IQCM: variants seen among roughly 807,000 people sequenced by gnomAD.
The protein encoded by IQCM is IQ motif containing M.
In IQCM, 45 loss-of-function variants were observed where a neutral mutation model predicts 57.6. That is an observed-to-expected ratio of 0.78 (90% CI 0.62 to 1.00). The LOEUF is 1.00. IQCM is among the 50% of genes least tolerant of loss of function. The pLI is 0.00. For missense variants in IQCM, 468 were observed against 511.6 expected (o/e 0.91, Z 0.82); for synonymous variants, 148 against 158.9 (o/e 0.93, Z 0.51).
chr4:149,667,237 G>A (rs559002644), intron 7 of IQCM, among the ~76,000 whole-genome samples: 8 of 152,312 alleles, frequency 5.3e-5, no homozygotes, highest in Admixed American at 3.3e-4. Flanking sequence ...GAAGGAGCAG[G>A]CAGCAATCTT....
At position 149,585,260 on chromosome 4, in the gene IQCM, A is replaced by G. The variant is rs140592755; in HGVS notation, c.749+2670T>C. ...CTGATGACTGATGGAAGGTTATAATATACTCTGCCTCATGCAGGCTGTAAG... is the reference window on the plus strand; with the variant it reads ...CTGATGACTGATGGAAGGTTATAATGTACTCTGCCTCATGCAGGCTGTAAG... On this transcript the variant is annotated intron_variant, in intron 9 of 13. Coordinates refer to ENST00000636793, the MANE Select transcript of IQCM (RefSeq NM_001363507.2). 2.2e-3 allele frequency among the ~76,000 whole-genome samples: 333 copies of G among 151,766 alleles called. 2 individuals carry two copies. The highest frequency in any genetic ancestry group is 8.6e-3 in the East Asian group (44 of 5,118).
intron 8 of IQCM, among the ~76,000 whole-genome samples, chr4:149,608,932 C>T (rs1036169939): frequency 4.6e-5 from 7 of 151,252 alleles, no homozygotes; most frequent in African/African-American, 1.2e-4. Context: ...ATGAAAACAA[C>T]ACCATGAAGG....
intron 7 of IQCM, among the ~76,000 whole-genome samples, chr4:149,671,809 G>C (rs574253877): frequency 2.7e-3 from 412 of 152,274 alleles, no homozygotes; most frequent in African/African-American, 9.6e-3. Flanking sequence ...TCTTAATCCT[G>C]AGTTCTAGTT....
At chr4:149,766,341 A>G (rs892982561) in intron 2 of IQCM, among the ~76,000 whole-genome samples, 1 of 152,138 alleles carries the variant, frequency 6.6e-6, no homozygotes, top group African/African-American at 2.4e-5. Flanking sequence ...CCTTTCTGCA[A>G]TCAAGCTAAA....
intron 12 of IQCM, among the ~76,000 whole-genome samples, chr4:149,530,457 G>A (rs1291515617): frequency 6.6e-6 from 1 of 152,044 alleles, no homozygotes; most frequent in Non-Finnish European, 1.5e-5. Flanking sequence ...AACCAGGAAA[G>A]CAATCTCTGT....
intron 12 of IQCM, among the ~76,000 whole-genome samples, chr4:149,446,104 G>A (rs1346482663): frequency 6.6e-6 from 1 of 151,686 alleles, no homozygotes; most frequent in Non-Finnish European, 1.5e-5. Flanking sequence ...AACATGTAAT[G>A]TTTTGAATAA....
chr4:149,724,873 A>G (rs1219691234), intron 5 of IQCM, among the ~76,000 whole-genome samples: 1 of 152,046 alleles, frequency 6.6e-6, no homozygotes, highest in Admixed American at 6.6e-5. Flanking sequence ...TTGATTTTAC[A>G]TGAAATTTCT....
At position 149,540,700 on chromosome 4, in the gene IQCM, A is replaced by G. The variant is rs189001460; in HGVS notation, c.1228+7755T>C. ...GATCCTATTTTTATTCTATTAATGA[A>G]GAAGATAAATTGCCAAACACATTTA... On this transcript the variant is annotated intron_variant, in intron 12 of 13. Coordinates refer to ENST00000636793, the MANE Select transcript of IQCM (RefSeq NM_001363507.2). Among the ~76,000 whole-genome samples the G allele has an allele frequency of 2.0e-3, 297 of 152,272 alleles. 1 individual carries two copies. Among genetic ancestry groups the G allele is most frequent in the Middle Eastern group, 0.01 (3 of 294 alleles).
chr4:149,534,922 G>T (rs1747136053), intron 12 of IQCM, among the ~76,000 whole-genome samples: 1 of 152,068 alleles, frequency 6.6e-6, no homozygotes, highest in African/African-American at 2.4e-5. Context: ...CTAGTAAGAG[G>T]CTTGCTTTTA....
rs536206706 is a variant in IQCM at position 149,512,880 on chromosome 4, T to C, written c.1228+35575A>G. Among the ~76,000 whole-genome samples, 4 of 152,342 alleles carry C rather than the reference T, an allele frequency of 2.6e-5. No homozygotes were observed. In the South Asian group the frequency reaches 8.3e-4, roughly 32 times the overall value. Reference sequence around the variant, plus strand: ...ATGATTGCTTGGATTTCTATGTGAATATAACAAAGAGGGATTTAATCTAAG... The same window carrying C: ...ATGATTGCTTGGATTTCTATGTGAACATAACAAAGAGGGATTTAATCTAAG... On this transcript the variant is annotated intron_variant, in intron 12 of 13. Transcript: ENST00000636793.
intron 12 of IQCM, among the ~76,000 whole-genome samples, chr4:149,530,720 C>T (rs1052069622): frequency 6.6e-6 from 1 of 151,902 alleles, no homozygotes; most frequent in Non-Finnish European, 1.5e-5. Context: ...AAAGAAAAGG[C>T]TAACACCTTA....
At chr4:149,690,736 C>T (rs1375322592) in intron 5 of IQCM, 1 of 152,042 alleles carries the variant, frequency 6.6e-6, no homozygotes, top group East Asian at 1.9e-4. Flanking sequence ...CGAGCAAAGG[C>T]TGTATTTATA....
intron 12 of IQCM, among the ~76,000 whole-genome samples, chr4:149,448,584 T>C (rs1458705115): frequency 4.6e-5 from 7 of 151,554 alleles, no homozygotes; most frequent in East Asian, 1.9e-4. Flanking sequence ...ATCAATAGAA[T>C]TGATTAAATT....
intron 7 of IQCM, among the ~76,000 whole-genome samples, chr4:149,679,723 T>C (rs1272547654): frequency 6.6e-6 from 1 of 151,430 alleles, no homozygotes; most frequent in Non-Finnish European, 1.5e-5. Context: ...CAGGGAAAAC[T>C]GCTATATCTA....
intron 13 of IQCM, among the ~76,000 whole-genome samples, chr4:149,367,458 A>G (rs999110955): frequency 6.6e-6 from 1 of 151,944 alleles, no homozygotes; most frequent in Non-Finnish European, 1.5e-5. Flanking sequence ...TGACTTATTT[A>G]CTCAAGAGGA....
chr4:149,691,933 C>T (rs1762969569), intron 5 of IQCM: 1 of 152,138 alleles, frequency 6.6e-6, no homozygotes, highest in Admixed American at 6.5e-5. Context: ...AAACATACAA[C>T]ATATATGTGT....
chr4:149,487,911 C>T, intron 12 of IQCM, among the ~76,000 whole-genome samples: 1 of 152,084 alleles, frequency 6.6e-6, no homozygotes, highest in East Asian at 1.9e-4. Context: ...ACTGTGATTG[C>T]TCATCTGGTT....
At chr4:149,633,718 CAG>C (rs1757487869) in intron 7 of IQCM, among the ~76,000 whole-genome samples, 1 of 152,180 alleles carries the variant, frequency 6.6e-6, no homozygotes, top group Non-Finnish European at 1.5e-5. Context: ...ACCTTTCCTC[CAG>C]TTAAACTACT....
At chr4:149,567,135 G>A (rs1298761129) in intron 9 of IQCM, among the ~76,000 whole-genome samples, 2 of 151,976 alleles carry the variant, frequency 1.3e-5, no homozygotes, top group African/African-American at 4.8e-5. Context: ...TATCACATAA[G>A]TATTCCTTTT....
Sources: gnomAD v4.1 joint callset for allele counts (sites outside exome capture counted in the v4.1 genomes callset) on GRCh38, gnomAD v4.1.1 for gene constraint, MANE v1.5 for transcripts, NCBI Gene and HGNC (gene_info 2026-07-23, HGNC 2026-07-21) for gene names.